RALGAPB: variants seen among roughly 807,000 people sequenced by gnomAD.
RALGAPB encodes the protein ral GTPase-activating protein subunit beta.
In RALGAPB, 25 loss-of-function variants were observed where a neutral mutation model predicts 161.1. The ratio of observed to expected loss-of-function variants is 0.16; its 90% CI spans 0.11 to 0.22. RALGAPB has a LOEUF of 0.22. RALGAPB is among the 10% of genes least tolerant of loss of function. RALGAPB has a pLI of 1.00. For synonymous variants in RALGAPB, 629 were observed against 626.1 expected (o/e 1.00, Z -0.07); for missense variants, 1,391 against 1,815.2 (o/e 0.77, Z 4.25).
At position 38,472,853 on chromosome 20, in the gene RALGAPB, T is replaced by A; in HGVS notation, c.-247T>A. On this transcript the variant is annotated 5_prime_UTR_variant, in exon 1 of 30. Coordinates refer to ENST00000262879, the MANE Select transcript of RALGAPB (RefSeq NM_020336.4). The stretch of plus-strand genomic sequence containing the variant: ...GCCGCCGCCCCTGGCAGTCGGAAGT[T>A]GCCTGAGCAGATCCCAGCCGGCTGG... 1 of 399,016 alleles carries A rather than the reference T, an allele frequency of 2.5e-6. No homozygotes were observed. The allele number at this position is 399,016 out of a possible 1,614,324, so 24.7% of individuals were successfully genotyped here.
chr20:38,510,173 C>T (rs1398761301), intron 6 of RALGAPB, among the ~76,000 whole-genome samples: 2 of 151,796 alleles, frequency 1.3e-5, no homozygotes, highest in South Asian at 2.1e-4. Context: ...CACAGACACA[C>T]GCATGCATGT....
At chr20:38,488,180 C>A (rs1438946866) in intron 1 of RALGAPB, among the ~76,000 whole-genome samples, 1 of 152,188 alleles carries the variant, frequency 6.6e-6, no homozygotes, top group Non-Finnish European at 1.5e-5. Flanking sequence ...TATCATACAT[C>A]CTATACCATC....
rs779577211 is a variant in RALGAPB, at chr20:38,524,815, G to A, written c.1657G>A (p.Asp553Asn). ...TTTAATTCAAGGTTTGCAGATAAAT[G>A]ATTATGTGTGCCATCCTGTCTTGGC... ...MLLIQGLQIN[D>N]YVCHPVLASV... The change falls in exon 11 of 30, where the codon GAT becomes AAT. Residue 553 changes from aspartate to asparagine, a missense_variant. Asp to Asn is a conservative substitution (Grantham distance 23, BLOSUM62 1). Transcript: ENST00000262879. The A allele has an allele frequency of 1.9e-6, 3 of 1,610,152 alleles. No homozygotes were observed. The highest frequency in any genetic ancestry group is 1.7e-5 in the Admixed American group (1 of 60,010).
Position 38,551,127 on chromosome 20 carries a change from T to C in RALGAPB, c.3066T>C (p.Ser1022=). The C allele has an allele frequency of 6.2e-7, 1 of 1,614,004 alleles. No individual in the cohort carries two copies. The highest frequency in any genetic ancestry group is 8.5e-7 in the Non-Finnish European group (1 of 1,179,848). Reference sequence around the variant, plus strand: ...AAAATGACGTTGGATTTAAATATTCTGTGAAACATCGGCCATTTCCTGAAG... The same window carrying C: ...AAAATGACGTTGGATTTAAATATTCCGTGAAACATCGGCCATTTCCTGAAG... The part of the protein sequence containing the change: ...VPKNDVGFKY[S]VKHRPFPEEV... Residue 1022 remains serine (S), a synonymous_variant, in exon 21 of 30, where the codon TCT becomes TCC. Transcript: ENST00000262879.
intron 13 of RALGAPB, among the ~76,000 whole-genome samples, chr20:38,526,990 A>T (rs970933216): frequency 2.6e-5 from 4 of 152,190 alleles, no homozygotes; most frequent in African/African-American, 9.7e-5. Context: ...CTCTTAGGAA[A>T]GTAGGGCTTT....
intron 3 of RALGAPB, among the ~76,000 whole-genome samples, chr20:38,496,534 A>G (rs976479209): frequency 1.3e-5 from 2 of 152,136 alleles, no homozygotes; most frequent in African/African-American, 2.4e-5. Flanking sequence ...GTTTCCTACT[A>G]TTCTCAAAAT....
intron 13 of RALGAPB, among the ~76,000 whole-genome samples, chr20:38,530,448 G>A (rs754390883): frequency 2.0e-5 from 3 of 151,152 alleles, no homozygotes; most frequent in African/African-American, 7.3e-5. Context: ...TAGAGACAGG[G>A]TCTTGCTTTG....
chr20:38,541,326 A>C, intron 18 of RALGAPB, 134 bp downstream of exon 18: 1 of 932,328 alleles, frequency 1.1e-6, no homozygotes, highest in South Asian at 3.6e-5. Flanking sequence ...TTTCTCCAGA[A>C]ATAAAATGGG....
intron 1 of RALGAPB, among the ~76,000 whole-genome samples, chr20:38,482,894 C>CT (rs1229796403): frequency 2.6e-5 from 4 of 151,000 alleles, no homozygotes; most frequent in Admixed American, 1.3e-4. Context: ...CTACTATTTG[C>CT]TTTTTTTTAG....
chr20:38,523,727 A>G (rs1439350257), intron 10 of RALGAPB, among the ~76,000 whole-genome samples: 1 of 152,212 alleles, frequency 6.6e-6, no homozygotes, highest in East Asian at 1.9e-4. Context: ...AGTGTTTAAA[A>G]TCAGGTTAGT....
chr20:38,560,189 C>T (rs544260674), intron 23 of RALGAPB, among the ~76,000 whole-genome samples: 1 of 151,796 alleles, frequency 6.6e-6, no homozygotes, highest in Non-Finnish European at 1.5e-5. Flanking sequence ...ACAAAATCTA[C>T]AAGATTTCTG....
At chr20:38,557,196 ATGTGTAG>A (rs2087614296) in intron 22 of RALGAPB, among the ~76,000 whole-genome samples, 1 of 152,328 alleles carries the variant, frequency 6.6e-6, no homozygotes, top group African/African-American at 2.4e-5. Flanking sequence ...TTTTTGAAAA[ATGTGTAG>A]ACTTAATTTT....
intron 18 of RALGAPB, among the ~76,000 whole-genome samples, chr20:38,541,426 G>A (rs958422378): frequency 5.3e-5 from 8 of 151,914 alleles, no homozygotes; most frequent in South Asian, 2.1e-4. Flanking sequence ...TTTCTATACC[G>A]TTTGATGTTA....
At chr20:38,520,507 CACTA>C (rs1275674918) in intron 9 of RALGAPB, among the ~76,000 whole-genome samples, 2 of 141,070 alleles carry the variant, frequency 1.4e-5, no homozygotes, top group Middle Eastern at 3.8e-3. Context: ...CAGGACTTTG[CACTA>C]ACTGTGTTTT....
chr20:38,482,777 A>G (rs544454524), intron 1 of RALGAPB, among the ~76,000 whole-genome samples: 1 of 152,198 alleles, frequency 6.6e-6, no homozygotes, highest in African/African-American at 2.4e-5. Flanking sequence ...TTCTTTCTCT[A>G]ATAGTTATTT....
chr20:38,518,117 CA>C, intron 9 of RALGAPB, 117 bp downstream of exon 9: 1 of 975,780 alleles, frequency 1.0e-6, no homozygotes, highest in South Asian at 1.6e-5. Context: ...TGTTTCTGAC[CA>C]AGCAATGTCT....
chr20:38,551,077 G>A lies in RALGAPB; in HGVS notation c.3016G>A (p.Val1006Ile), dbSNP rs2087357837. ...RGAKANQKLF[V>I]PEPRPVPKND... Reference sequence around the variant, plus strand: ...ATGTTACTTGTTTTAACAGCTTTTTGTACCTGAACCTCGCCCAGTTCCTAA... The same window carrying A: ...ATGTTACTTGTTTTAACAGCTTTTTATACCTGAACCTCGCCCAGTTCCTAA... Residue 1006 changes from valine to isoleucine, a missense_variant, in exon 21 of 30, where the codon GTA becomes ATA. Physicochemically the swap from Val to Ile is conservative, Grantham distance 29. This residue lies in a region of RALGAPB where 946 missense variants were observed against 1,257.2 expected (regional missense o/e 0.75). Coordinates refer to ENST00000262879, the MANE Select transcript of RALGAPB (RefSeq NM_020336.4). The A allele has an allele frequency of 1.2e-6, 2 of 1,613,574 alleles. No individual in the cohort carries two copies. Among genetic ancestry groups the A allele is most frequent in the African/African-American group, 2.7e-5 (2 of 74,884 alleles).
chr20:38,541,759 G>C (rs781748522), intron 18 of RALGAPB, among the ~76,000 whole-genome samples: 1 of 152,162 alleles, frequency 6.6e-6, no homozygotes, highest in African/African-American at 2.4e-5. Flanking sequence ...TGCTGCAAAA[G>C]AGGTATAAAT....
At chr20:38,511,059 G>T (rs893168334) in intron 6 of RALGAPB, among the ~76,000 whole-genome samples, 2 of 152,130 alleles carry the variant, frequency 1.3e-5, no homozygotes, top group Admixed American at 6.5e-5. Context: ...CAGGATTCTC[G>T]TATCTGGCTA....
Sources: allele counts gnomAD v4.1 joint callset (sites outside exome capture counted in the v4.1 genomes callset), GRCh38; gene constraint gnomAD v4.1.1; regional missense constraint gnomAD v4.1.1; transcripts MANE v1.5; gene names NCBI Gene and HGNC (gene_info 2026-07-23, HGNC 2026-07-21).